RARS1: variants seen among roughly 807,000 people sequenced by gnomAD.
RARS1 encodes the protein arginyl-tRNA synthetase 1.
RARS1 carries 75 observed loss-of-function variants against 78.7 expected under a neutral mutation model. The observed-to-expected ratio is 0.95, with a 90% CI of 0.79 to 1.15. The LOEUF (loss-of-function observed/expected upper bound fraction) is 1.15, where lower values mean the gene tolerates loss of function less well. Among genes scored for constraint, RARS1 ranks in the 50% most tolerant of loss-of-function variants. The probability of loss-of-function intolerance (pLI) is 0.00; values close to 1 mark genes in which losing one functional copy is unlikely to be tolerated. For missense variants in RARS1, 787 were observed against 787.5 expected (o/e 1.00, Z 0.01); for synonymous variants, 273 against 268.2 (o/e 1.02, Z -0.18).
intron 9 of RARS1, among the ~76,000 whole-genome samples, chr5:168,504,210 C>A (rs1269986032): frequency 6.6e-6 from 1 of 151,884 alleles, no homozygotes; most frequent in African/African-American, 2.4e-5. Context: ...TGTGTGAGAC[C>A]CTGTCTCTAC....
chr5:168,497,201 G>A, intron 6 of RARS1, 27 bp from the exon 7 acceptor site: 1 of 1,391,250 alleles, frequency 7.2e-7, no homozygotes, highest in Non-Finnish European at 9.4e-7. Context: ...TTTAAAAAAT[G>A]ATTATATATT....
Position 168,496,378 on chromosome 5 carries a change from CAA to C in RARS1, c.702-835_702-834del, listed in dbSNP as rs35365870. On this transcript the variant is annotated intron_variant, in intron 6 of 14. Coordinates refer to ENST00000231572, the MANE Select transcript of RARS1 (RefSeq NM_002887.4). ...TGGGCAACAGAGCAAGACTCTCTGT[CAA>C]AAAAAAAAAAAAAACAGTAAGTCAA... Among the ~76,000 whole-genome samples the C allele has an allele frequency of 1.2e-3, 135 of 115,976 alleles. 1 individual carries two copies. The highest frequency in any genetic ancestry group is 2.8e-3 in the South Asian group (9 of 3,272). The allele number at this position is 115,976 out of a possible 152,430, so 76.1% of individuals were successfully genotyped here.
rs200473939 is a variant in RARS1, at chr5:168,517,788, C to G, written c.1626-27C>G. The G allele has an allele frequency of 3.2e-4, 479 of 1,514,588 alleles. 6 individuals are homozygous for G. Among genetic ancestry groups the G allele is most frequent in the Middle Eastern group, 2.2e-3 (13 of 5,850 alleles). The allele number at this position is 1,514,588 out of a possible 1,614,324, so 93.8% of individuals were successfully genotyped here. Reference sequence around the variant, plus strand: ...TAAAAAAAGGGAACAGTGGTGATTGCCTGATGATTTTTTTGTTTTTTTTAA... The same window carrying G: ...TAAAAAAAGGGAACAGTGGTGATTGGCTGATGATTTTTTTGTTTTTTTTAA... On this transcript the variant is annotated intron_variant, in intron 13 of 14. Coordinates refer to ENST00000231572, the MANE Select transcript of RARS1 (RefSeq NM_002887.4).
At chr5:168,495,065 C>A in intron 5 of RARS1, 2 of 513,326 alleles carry the variant, frequency 3.9e-6, no homozygotes, top group Non-Finnish European at 2.9e-6. Context: ...ACACAGATAT[C>A]ACTGAAATAG....
intron 7 of RARS1, among the ~76,000 whole-genome samples, chr5:168,500,160 C>G (rs1000633487): frequency 7.7e-6 from 1 of 130,636 alleles, no homozygotes. Context: ...CCAGCCACTC[C>G]AGTCCACTCC....
Position 168,500,649 on chromosome 5 carries a change from T to C in RARS1, c.881T>C (p.Val294Ala), listed in dbSNP as rs1268235447. Residue 294 changes from valine to alanine, a missense_variant, in exon 8 of 15, where the codon GTA (valine) becomes GCA (alanine). Val to Ala is a moderately conservative substitution (Grantham distance 64). Transcript: ENST00000231572. ...EEFKKRAYQCVVLLQGKNPDI... is the reference protein window; with the variant it reads ...EEFKKRAYQCAVLLQGKNPDI... ...TTTAAGAAGCGAGCATATCAGTGTG[T>C]AGTTCTGCTCCAGGGTAAAAACCCA... 4.2e-5 allele frequency: 67 copies of C among 1,610,260 alleles called. No individual in the cohort carries two copies. The highest frequency in any genetic ancestry group is 5.4e-5 in the Non-Finnish European group (64 of 1,178,898).
chr5:168,514,911 T>C (rs75095020), intron 12 of RARS1, among the ~76,000 whole-genome samples: 4 of 152,172 alleles, frequency 2.6e-5, no homozygotes, highest in Non-Finnish European at 5.9e-5. Context: ...TATCACTTAG[T>C]TGGATTTGTC....
At chr5:168,514,977 C>CT (rs770235709) in intron 12 of RARS1, among the ~76,000 whole-genome samples, 1 of 152,022 alleles carries the variant, frequency 6.6e-6, no homozygotes, top group Non-Finnish European at 1.5e-5. Context: ...TCTTATAAGT[C>CT]TTATAAGCTG....
chr5:168,507,420 G>A (rs1758471070), intron 11 of RARS1, among the ~76,000 whole-genome samples: 1 of 151,900 alleles, frequency 6.6e-6, no homozygotes, highest in East Asian at 1.9e-4. Flanking sequence ...CAATTCAAAG[G>A]CACAGCATTT....
At chr5:168,495,468 T>C in intron 6 of RARS1, 32 bp downstream of exon 6, 1 of 1,588,700 alleles carries the variant, frequency 6.3e-7, no homozygotes, top group South Asian at 1.1e-5. Flanking sequence ...ACTATTCTCT[T>C]TCCTTATTTT....
In RARS1 at chr5:168,500,850, T is replaced by G. The variant is rs539061396; in HGVS notation, c.952+130T>G. 31 of 1,174,218 alleles carry G rather than the reference T, an allele frequency of 2.6e-5. 3 individuals carry two copies. The South Asian group carries it at 5.6e-4, about 21-fold the overall frequency. 72.7% of individuals were successfully genotyped at this position (1,174,218 alleles called of 1,614,324 possible). The stretch of plus-strand genomic sequence containing the variant: ...ACAGGCAAATAGATTTTTTCTTAAA[T>G]GTATTTCTGAAACAACCAATAAATT... On this transcript the variant is annotated intron_variant, in intron 8 of 14. Transcript: ENST00000231572.
intron 7 of RARS1, among the ~76,000 whole-genome samples, chr5:168,499,195 C>CT (rs1309958790): frequency 2.0e-5 from 3 of 151,718 alleles, no homozygotes; most frequent in Admixed American, 2.0e-4. Context: ...CCTGTAGTTC[C>CT]AGCTACTTGG....
Position 168,518,071 on chromosome 5 carries a change from C to CTTGTTTTTTTTTTTTTTTTTTT in RARS1, c.1873+11_1873+12insGTTTTTTTTTTTTTTTTTTTTT. The CTTGTTTTTTTTTTTTTTTTTTT allele has an allele frequency of 2.7e-6, 2 of 747,558 alleles. No individual in the cohort carries two copies. Among genetic ancestry groups the CTTGTTTTTTTTTTTTTTTTTTT allele is most frequent in the East Asian group, 1.4e-4 (1 of 7,330 alleles). The allele number at this position is 747,558 out of a possible 1,614,324, so 46.3% of individuals were successfully genotyped here. ...GAAAGATAGACAGACTGGTGAGTGT[C>CTTGTTTTTTTTTTTTTTTTTTT]TTTTTTTTTTTTTTTTTTTTTTTTA... On this transcript the variant is annotated intron_variant, in intron 14 of 14. Coordinates refer to ENST00000231572, the MANE Select transcript of RARS1 (RefSeq NM_002887.4).
At chr5:168,507,209 GC>G (rs1758466263) in intron 11 of RARS1, among the ~76,000 whole-genome samples, 1 of 152,136 alleles carries the variant, frequency 6.6e-6, no homozygotes, top group African/African-American at 2.4e-5. Flanking sequence ...TTGAACATAG[GC>G]AAAAGGTATA....
rs374019310 is a variant in RARS1, at chr5:168,486,509, T to C, written c.11T>C (p.Leu4Pro). ...GACGCTGATGGGAGGATGGACGTAC[T>C]GGTGTCTGAGTGCTCCGCGCGGCTG... MDV[L>P]VSECSARLLQ... Residue 4 changes from leucine (L) to proline (P), a missense_variant, in exon 1 of 15, where the codon CTG (leucine) becomes CCG (proline). Transcript: ENST00000231572. 1.9e-6 allele frequency: 3 copies of C among 1,559,106 alleles called. No homozygotes were observed. Among genetic ancestry groups the C allele is most frequent in the African/African-American group, 2.7e-5 (2 of 74,074 alleles).
In RARS1 at chr5:168,495,433, T is replaced by C. The variant is rs1016518259; in HGVS notation, c.698T>C (p.Leu233Pro). The part of the protein sequence containing the change: ...RLFEFAGYDV[L>P]RLNHVGDWGT... ...TTTGAATTTGCAGGGTATGACGTGC[T>C]CAGGTATGTGCTCTTGCCTTGCGTA... The change falls in exon 6 of 15, where the codon CTC becomes CCC. Residue 233 changes from leucine to proline, a missense_variant. By Grantham distance (98) the Leu-to-Pro change is moderately conservative (BLOSUM62 -3). Coordinates refer to ENST00000231572, the MANE Select transcript of RARS1 (RefSeq NM_002887.4). 1 of 1,613,334 alleles carries C rather than the reference T, an allele frequency of 6.2e-7. No homozygotes were observed. The highest frequency in any genetic ancestry group is 1.3e-5 in the African/African-American group (1 of 75,024).
At chr5:168,500,550 CTT>C (rs1453420703) in intron 7 of RARS1, 39 bp from the exon 8 acceptor site, 12 of 1,398,410 alleles carry the variant, frequency 8.6e-6, no homozygotes, top group Non-Finnish European at 1.1e-5. Flanking sequence ...AGGATTAGAT[CTT>C]TTTACACACC....
At chr5:168,488,075 TACTC>T in intron 1 of RARS1, 1 of 284,162 alleles carries the variant, frequency 3.5e-6, no homozygotes, top group South Asian at 2.8e-5. Context: ...ATTATATACT[TACTC>T]CGATTCCTGT....
intron 5 of RARS1, 175 bp downstream of exon 5, chr5:168,494,825 T>C: frequency 1.9e-6 from 1 of 533,048 alleles, no homozygotes. Flanking sequence ...GCTACTGCAC[T>C]TCAACCTGGG....
Sources: gnomAD v4.1 joint callset for allele counts (sites outside exome capture counted in the v4.1 genomes callset) on GRCh38, gnomAD v4.1.1 for gene constraint, MANE v1.5 for transcripts, NCBI Gene and HGNC (gene_info 2026-07-23, HGNC 2026-07-21) for gene names.